The following ATP10B variants were observed in gnomAD, a reference collection of about 807,000 sequenced individuals.
The protein encoded by ATP10B is ATPase phospholipid transporting 10B (putative), also known as phospholipid-transporting ATPase VB.
Under a neutral mutation model 141.2 loss-of-function variants are expected in ATP10B, and 122 were observed. That is an observed-to-expected ratio of 0.86 (90% CI 0.75 to 1.00). The LOEUF is 1.00. Among genes scored for constraint, ATP10B ranks in the 50% least tolerant of loss-of-function variants. The pLI is 0.00. For missense variants in ATP10B, 1,876 were observed against 1,825.3 expected (o/e 1.03, Z -0.51); for synonymous variants, 685 against 692.0 (o/e 0.99, Z 0.16).
intron 2 of ATP10B, among the ~76,000 whole-genome samples, chr5:160,767,063 G>A (rs973974859): frequency 6.6e-6 from 1 of 152,072 alleles, no homozygotes; most frequent in Admixed American, 6.5e-5. Context: ...AAAAAAAAAG[G>A]AATTGTCTTG....
chr5:160,912,414 CAAAAAAAAA>C, the ATP10B span, among the ~76,000 whole-genome samples: 75 of 88,890 alleles, frequency 8.4e-4, no homozygotes, highest in Admixed American at 2.5e-3. Flanking sequence ...CTGTTTCTAC[CAAAAAAAAA>C]AAAAAAAAAA....
intron 3 of ATP10B, among the ~76,000 whole-genome samples, chr5:160,694,880 A>G (rs1764275159): frequency 6.6e-6 from 1 of 152,248 alleles, no homozygotes; most frequent in Admixed American, 6.5e-5. Flanking sequence ...GCCACTGTCA[A>G]AAGACAAAAT....
chr5:160,902,472 T>C, the ATP10B span, among the ~76,000 whole-genome samples: 2 of 150,152 alleles, frequency 1.3e-5, no homozygotes, highest in African/African-American at 2.5e-5. Flanking sequence ...TTTTGGCAAA[T>C]GTATAGGTGA....
the ATP10B span, among the ~76,000 whole-genome samples, chr5:160,884,606 G>A: frequency 3.0e-4 from 45 of 151,932 alleles, 1 homozygote; most frequent in South Asian, 9.0e-3. Context: ...TTAGGCAGGC[G>A]TCATTATTTA....
rs1473762897 is a variant in ATP10B at position 160,598,927 on chromosome 5, A to G, written c.3407T>C (p.Phe1136Ser). Residue 1136 changes from phenylalanine (F) to serine (S), a missense_variant, in exon 22 of 26, where the codon TTC (phenylalanine) becomes TCC (serine). Phe to Ser is a radical substitution (Grantham distance 155, BLOSUM62 -2). Coordinates refer to ENST00000327245, the MANE Select transcript of ATP10B (RefSeq NM_025153.3). ...LLFWYQFFCG[F>S]SSSTMIDYWQ... ...GTAATCAATCATGGTGGAGCTGGAG[A>G]AACCACAGAAGAACTGATACCAGAA... is the stretch of plus-strand genomic sequence containing the variant. 2 of 1,614,068 alleles carry G rather than the reference A, an allele frequency of 1.2e-6. No homozygotes were observed. Among genetic ancestry groups the G allele is most frequent in the Non-Finnish European group, 1.7e-6 (2 of 1,180,012 alleles).
At chr5:160,849,366 C>T (rs541660175) in intron 1 of ATP10B, among the ~76,000 whole-genome samples, 4 of 152,242 alleles carry the variant, frequency 2.6e-5, no homozygotes, top group African/African-American at 9.6e-5. Context: ...AGTACCTCCT[C>T]TCAAATAATA....
intron 6 of ATP10B, among the ~76,000 whole-genome samples, chr5:160,682,009 T>C (rs1217976388): frequency 6.6e-6 from 1 of 152,224 alleles, no homozygotes; most frequent in Non-Finnish European, 1.5e-5. Flanking sequence ...CTCCTAACAC[T>C]GATGCCAACT....
At chr5:160,738,398 T>A (rs180944764) in intron 2 of ATP10B, among the ~76,000 whole-genome samples, 2 of 151,824 alleles carry the variant, frequency 1.3e-5, no homozygotes, top group Admixed American at 6.6e-5. Context: ...ACCCAACATA[T>A]TAAAAGGAAA....
intron 24 of ATP10B, among the ~76,000 whole-genome samples, chr5:160,582,589 C>A (rs1288308981): frequency 6.6e-6 from 1 of 152,020 alleles, no homozygotes; most frequent in Non-Finnish European, 1.5e-5. Context: ...TCCTTCATTT[C>A]AACCTTGGTG....
chr5:160,783,421 TATCCATGGATAG>T (rs1472568601), intron 2 of ATP10B, among the ~76,000 whole-genome samples: 11 of 131,290 alleles, frequency 8.4e-5, no homozygotes, highest in African/African-American at 2.8e-4. Context: ...TCCATGGATA[TATCCATGGATAG>T]ATATATCCAT....
At chr5:160,907,569 C>A in the ATP10B span, among the ~76,000 whole-genome samples, 1 of 152,074 alleles carries the variant, frequency 6.6e-6, no homozygotes, top group Non-Finnish European at 1.5e-5. Flanking sequence ...CTATGTTGCC[C>A]AGGCTGATCT....
intron 1 of ATP10B, among the ~76,000 whole-genome samples, chr5:160,809,038 G>GT (rs1772970554): frequency 6.6e-6 from 1 of 152,138 alleles, no homozygotes; most frequent in African/African-American, 2.4e-5. Flanking sequence ...TTCTACGTGT[G>GT]TTCCTGTCTC....
chr5:160,612,965 A>G, intron 17 of ATP10B, 40 bp from the exon 18 acceptor site: 2 of 1,574,344 alleles, frequency 1.3e-6, no homozygotes, highest in Non-Finnish European at 1.7e-6. Flanking sequence ...ATTTATCGTA[A>G]AAGAGTAGTT....
chr5:160,909,454 CACA>C, the ATP10B span, among the ~76,000 whole-genome samples: 5 of 152,158 alleles, frequency 3.3e-5, no homozygotes, highest in Non-Finnish European at 5.9e-5. Flanking sequence ...TCCCTGACCA[CACA>C]CATGAGCAGA....
chr5:160,818,810 T>C (rs530730816), intron 1 of ATP10B, among the ~76,000 whole-genome samples: 40 of 152,312 alleles, frequency 2.6e-4, no homozygotes, highest in African/African-American at 9.1e-4. Context: ...CATGGAATAC[T>C]ATGCAGCCAT....
At chr5:160,877,828 G>A in the ATP10B span, among the ~76,000 whole-genome samples, 1 of 126,812 alleles carries the variant, frequency 7.9e-6, no homozygotes, top group African/African-American at 2.6e-5. Context: ...CAACTTACAA[G>A]GGACATGAAG....
upstream of ATP10B, among the ~76,000 whole-genome samples, chr5:160,855,969 C>T (rs1475222475): frequency 6.6e-6 from 1 of 151,778 alleles, no homozygotes; most frequent in Non-Finnish European, 1.5e-5. Flanking sequence ...CAGTACCAGT[C>T]TTGATGACTA....
chr5:160,707,680 G>A (rs1257464738), intron 3 of ATP10B, among the ~76,000 whole-genome samples: 1 of 152,176 alleles, frequency 6.6e-6, no homozygotes, highest in African/African-American at 2.4e-5. Flanking sequence ...AATATCAGAT[G>A]AGTGGAAGAG....
At chr5:160,649,709 T>C (rs905602988) in intron 7 of ATP10B, among the ~76,000 whole-genome samples, 1 of 152,186 alleles carries the variant, frequency 6.6e-6, no homozygotes, top group South Asian at 2.1e-4. Flanking sequence ...CTAGTGGTTA[T>C]CACATTCGAT....
Sources: allele counts gnomAD v4.1 joint callset (sites outside exome capture counted in the v4.1 genomes callset), GRCh38; gene constraint gnomAD v4.1.1; transcripts MANE v1.5; gene names NCBI Gene and HGNC (gene_info 2026-07-23, HGNC 2026-07-21).